Variants in COL12A1 observed in about 807,000 individuals in gnomAD.
COL12A1 encodes the protein collagen type XII alpha 1 chain, also known as collagen alpha-1(XII) chain.
Under a neutral mutation model 349.7 loss-of-function variants are expected in COL12A1, and 114 were observed. That is an observed-to-expected ratio of 0.33 (90% CI 0.28 to 0.38). COL12A1 has a LOEUF of 0.38. Ranked by LOEUF, COL12A1 falls within the 10% of genes least tolerant of loss-of-function variation. COL12A1 has a pLI of 1.00. For missense variants in COL12A1, 3,284 were observed against 3,756.9 expected (o/e 0.87, Z 3.29); for synonymous variants, 1,369 against 1,329.0 (o/e 1.03, Z -0.66).
Position 75,154,594 on chromosome 6 carries a change from CT to C in COL12A1, c.3444-58del, listed in dbSNP as rs371546526. 7,733 of 1,482,404 alleles carry C rather than the reference CT, an allele frequency of 5.2e-3. 238 individuals are homozygous for C. In the African/African-American group the frequency reaches 0.084, roughly 16 times the overall value. 91.8% of individuals were successfully genotyped at this position (1,482,404 alleles called of 1,614,324 possible). On this transcript the variant is annotated intron_variant, in intron 16 of 65. Transcript: ENST00000322507. ...AGAACCATAGGCTCAAGTGGTAGCA[CT>C]TTTTTTTTGCTTTGTTAAAGACATT...
In COL12A1 at chr6:75,165,770, G is replaced by A. The variant is rs1341397197; in HGVS notation, c.2720C>T (p.Ser907Phe). Residue 907 changes from serine to phenylalanine, a missense_variant, in exon 14 of 66, where the codon TCT becomes TTT. By Grantham distance (155) the Ser-to-Phe change is radical. This residue lies in a region of COL12A1 where 2,601 missense variants were observed against 2,824.8 expected (regional missense o/e 0.92). Transcript: ENST00000322507. ...GEGTTLEERG[S>F]PQDLVTKDIT... ...GTCTTTAGTAACTAAATCTTGAGGA[G>A]AACCACGTTCTAGAACAGAAATTAA... The A allele has an allele frequency of 4.3e-6, 7 of 1,613,330 alleles. No individual in the cohort carries two copies. The highest frequency in any genetic ancestry group is 1.3e-5 in the African/African-American group (1 of 74,852).
intron 25 of COL12A1, 101 bp downstream of exon 25, chr6:75,145,225 A>T: frequency 8.7e-7 from 1 of 1,144,510 alleles, no homozygotes; most frequent in Non-Finnish European, 1.2e-6. Context: ...GTGACTTTGT[A>T]TATAAATTAT....
intron 14 of COL12A1, among the ~76,000 whole-genome samples, chr6:75,164,872 T>C (rs1329907551): frequency 1.3e-5 from 2 of 151,806 alleles, no homozygotes; most frequent in Non-Finnish European, 2.9e-5. Context: ...GTGAGGTAAA[T>C]CTGAGCCATC....
Position 75,184,007 on chromosome 6 carries a change from C to T in COL12A1, c.1135G>A (p.Ala379Thr), listed in dbSNP as rs779083996. ...GTTGTCTGAGGCCCCACACTCAGAG[C>T]GTGCTGTCGGCTTCCTGCAGTCATT... is the stretch of plus-strand genomic sequence containing the variant. ...TPMTAGSRQHALSVGPQTTTL... is the reference protein window; with the variant it reads ...TPMTAGSRQHTLSVGPQTTTL... Residue 379 changes from alanine (A) to threonine (T), a missense_variant, in exon 9 of 66, where the codon GCT becomes ACT. Around this residue, in one of 2 missense-constraint regions of COL12A1, gnomAD observed 2,601 missense variants for 2,824.8 expected, o/e 0.92. Transcript: ENST00000322507. 2.5e-6 allele frequency: 4 copies of T among 1,614,030 alleles called. No homozygotes were observed. The highest frequency in any genetic ancestry group is 2.2e-5 in the East Asian group (1 of 44,894).
chr6:75,111,139 T>G (rs1768820015), intron 51 of COL12A1, among the ~76,000 whole-genome samples: 1 of 151,762 alleles, frequency 6.6e-6, no homozygotes, highest in Non-Finnish European at 1.5e-5. Flanking sequence ...GTATATACAA[T>G]TTTTCTATAT....
chr6:75,181,850 G>A (rs557797777), intron 10 of COL12A1, among the ~76,000 whole-genome samples: 2 of 151,998 alleles, frequency 1.3e-5, no homozygotes, highest in African/African-American at 4.8e-5. Flanking sequence ...AGCACTTTGG[G>A]AGACTGAGGC....
chr6:75,107,099 T>G (rs1236903839), intron 52 of COL12A1, among the ~76,000 whole-genome samples: 1 of 151,108 alleles, frequency 6.6e-6, no homozygotes, highest in Non-Finnish European at 1.5e-5. Flanking sequence ...GAGGCGGGGT[T>G]TTACCCTGTT....
At chr6:75,157,451 AAC>A (rs1220662751) in intron 14 of COL12A1, among the ~76,000 whole-genome samples, 2 of 152,160 alleles carry the variant, frequency 1.3e-5, no homozygotes, top group East Asian at 3.9e-4. Flanking sequence ...GAAAAAAAAA[AAC>A]CTAAGAAAAA....
chr6:75,137,717 T>C, intron 30 of COL12A1, 138 bp from the exon 31 acceptor site: 11 of 924,062 alleles, frequency 1.2e-5, no homozygotes, highest in Non-Finnish European at 1.8e-5. Context: ...TAAAAATGGT[T>C]ATTGATTCTT....
At chr6:75,127,166 T>G (rs1007472117) in intron 38 of COL12A1, among the ~76,000 whole-genome samples, 8 of 152,128 alleles carry the variant, frequency 5.3e-5, no homozygotes, top group African/African-American at 1.9e-4. Flanking sequence ...AAATCCACTT[T>G]GATAGCATGA....
chr6:75,193,094 G>A (rs566760391), intron 3 of COL12A1, among the ~76,000 whole-genome samples: 1 of 152,160 alleles, frequency 6.6e-6, no homozygotes, highest in Non-Finnish European at 1.5e-5. Flanking sequence ...AAGATAACAG[G>A]TGCAACAGAC....
chr6:75,188,647 T>C, intron 7 of COL12A1, 112 bp from the exon 8 acceptor site: 1 of 1,176,810 alleles, frequency 8.5e-7, no homozygotes, highest in Non-Finnish European at 1.2e-6. Context: ...AAATCGTCAT[T>C]AAGTCATAAG....
At chr6:75,156,072 T>C (rs1054999157) in intron 15 of COL12A1, among the ~76,000 whole-genome samples, 185 bp downstream of exon 15, 1 of 152,204 alleles carries the variant, frequency 6.6e-6, no homozygotes, top group Admixed American at 6.5e-5. Context: ...AACATTAATA[T>C]GTAGAATCAT....
In COL12A1 at chr6:75,123,984, G is replaced by A; in HGVS notation, c.6835C>T (p.Leu2279Phe). The A allele has an allele frequency of 6.2e-7, 1 of 1,613,660 alleles. No individual in the cohort carries two copies. The highest frequency in any genetic ancestry group is 8.5e-7 in the Non-Finnish European group (1 of 1,179,678). Residue 2279 changes from leucine (L) to phenylalanine (F), a missense_variant, in exon 42 of 66, where the codon CTC (leucine) becomes TTC (phenylalanine). Transcript: ENST00000322507. The part of the protein sequence containing the change: ...GVTVFVQTPN[L>F]EGPGVSVKEH... ...TTAACAGAGACTCCTGGTCCCTCGA[G>A]ATTTGGTGTCTGCACAAAAACAGTG... is the stretch of plus-strand genomic sequence containing the variant.
At position 75,090,064 on chromosome 6, in the gene COL12A1, T is replaced by C. The variant is rs764080239; in HGVS notation, c.8941+46A>G. 8 of 1,602,030 alleles carry C rather than the reference T, an allele frequency of 5.0e-6. No individual in the cohort carries two copies. The South Asian group carries it at 8.9e-5, about 18-fold the overall frequency. ...TTCAACCTGTCCCAACTCCTACATT[T>C]GCAAATTCCTTCCTTTATCCCAATA... On this transcript the variant is annotated intron_variant, in intron 63 of 65. Transcript: ENST00000322507. This position sits in a 1 kb window ranked among gnomAD's most constrained non-coding sequence, Gnocchi z 4.1.
intron 14 of COL12A1, among the ~76,000 whole-genome samples, chr6:75,161,883 G>A (rs963627232): frequency 7.2e-5 from 11 of 152,134 alleles, no homozygotes; most frequent in Non-Finnish European, 1.3e-4. Context: ...GCCAAATCAT[G>A]AGTGAACTCC....
chr6:75,162,462 G>A (rs1768075057), intron 14 of COL12A1, among the ~76,000 whole-genome samples: 1 of 152,310 alleles, frequency 6.6e-6, no homozygotes, highest in Non-Finnish European at 1.5e-5. Flanking sequence ...GCCATACACA[G>A]AAAGCTGAAA....
chr6:75,202,919 AC>A, intron 1 of COL12A1, 92 bp from the exon 2 acceptor site: 1 of 763,722 alleles, frequency 1.3e-6, no homozygotes, highest in Non-Finnish European at 2.1e-6. Flanking sequence ...CCAGAACCCG[AC>A]CAGATCTGCC....
chr6:75,134,993 ACATAC>A, intron 31 of COL12A1, 138 bp from the exon 32 acceptor site: 2 of 753,072 alleles, frequency 2.7e-6, no homozygotes, highest in Non-Finnish European at 3.9e-6. Context: ...TCAAGGTTTA[ACATAC>A]ACCTTGTGGT....
Sources: allele counts gnomAD v4.1 joint callset (sites outside exome capture counted in the v4.1 genomes callset), GRCh38; gene constraint gnomAD v4.1.1; regional missense constraint gnomAD v4.1.1; non-coding constraint Gnocchi (gnomAD v3.1); transcripts MANE v1.5; gene names NCBI Gene and HGNC (gene_info 2026-07-23, HGNC 2026-07-21).